The following GPAT4 variants were observed in gnomAD, a reference collection of about 807,000 sequenced individuals.
GPAT4 encodes the protein glycerol-3-phosphate acyltransferase 4, also known as 1-AGP acyltransferase 6.
Under a neutral mutation model 58.0 loss-of-function variants are expected in GPAT4, and 17 were observed. The ratio of observed to expected loss-of-function variants is 0.29; its 90% CI spans 0.20 to 0.44. The LOEUF (loss-of-function observed/expected upper bound fraction) is 0.44. Ranked by LOEUF, GPAT4 falls within the 20% of genes least tolerant of loss-of-function variation. GPAT4 has a pLI of 1.00. For missense variants in GPAT4, 377 were observed against 574.5 expected (o/e 0.66, Z 3.51); for synonymous variants, 204 against 210.1 (o/e 0.97, Z 0.25).
rs201136934 is a variant in GPAT4, at chr8:41,609,902, G to A, written c.483G>A (p.Thr161=). 6.3e-5 allele frequency: 101 copies of A among 1,614,088 alleles called. No homozygotes were observed. The highest frequency in any genetic ancestry group is 2.0e-4 in the African/African-American group (15 of 75,062). ...TCCAGTACATCAGCCTTCGGCTCAC[G>A]GTCCTGTGGGGGTTAGGAGTGCTGA... ...YNFQYISLRL[T]VLWGLGVLIR... is the part of the protein sequence containing the mutation. Residue 161 remains threonine (T), a synonymous_variant, in exon 4 of 13, where the codon ACG becomes ACA. Coordinates refer to ENST00000396987, the MANE Select transcript of GPAT4 (RefSeq NM_178819.4).
At chr8:41,612,687 G>A (rs1803478731) in intron 7 of GPAT4, 158 bp from the exon 8 acceptor site, 1 of 610,998 alleles carries the variant, frequency 1.6e-6, no homozygotes, top group Non-Finnish European at 2.9e-6. Flanking sequence ...GATTTGGGGA[G>A]TCTTGGTAGT....
At chr8:41,590,127 CT>C (rs879453903) in intron 1 of GPAT4, among the ~76,000 whole-genome samples, 399 of 144,678 alleles carry the variant, frequency 2.8e-3, no homozygotes, top group Middle Eastern at 3.6e-3. Flanking sequence ...CTTGCTACTT[CT>C]TTTTTTTTTT....
intron 3 of GPAT4, 54 bp downstream of exon 3, chr8:41,609,539 C>T (rs1360757214): frequency 5.0e-6 from 8 of 1,606,516 alleles, no homozygotes; most frequent in Middle Eastern, 1.6e-4. Flanking sequence ...CAGTGTTCCC[C>T]AGTGCTTCTG....
chr8:41,618,904 G>A lies in GPAT4; in HGVS notation c.1189G>A (p.Glu397Lys), dbSNP rs1225680309. 1 of 1,614,120 alleles carries A rather than the reference G, an allele frequency of 6.2e-7. No homozygotes were observed. The highest frequency in any genetic ancestry group is 8.5e-7 in the Non-Finnish European group (1 of 1,180,062). Residue 397 changes from glutamate (E) to lysine (K), a missense_variant, in exon 12 of 13, where the codon GAA (glutamate) becomes AAA (lysine). Physicochemically the swap from Glu to Lys is moderately conservative, Grantham distance 56. Coordinates refer to ENST00000396987, the MANE Select transcript of GPAT4 (RefSeq NM_178819.4). ...YLPPMTREAD[E>K]DAVQFANRVK... Reference sequence around the variant, plus strand: ...CATTTGTTCTTTCTTACAGGCAGATGAAGATGCTGTCCAGTTTGCGAATAG... The same window carrying A: ...CATTTGTTCTTTCTTACAGGCAGATAAAGATGCTGTCCAGTTTGCGAATAG...
chr8:41,608,689 G>A (rs1469907357), intron 2 of GPAT4, among the ~76,000 whole-genome samples: 1 of 152,164 alleles, frequency 6.6e-6, no homozygotes, highest in African/African-American at 2.4e-5. Flanking sequence ...TATCCTAAGC[G>A]ATCCCGTGAA....
rs767995915 is a variant in GPAT4 at position 41,620,936 on chromosome 8, G to A, written c.1306G>A (p.Glu436Lys). The change falls in exon 13 of 13, where the codon GAG becomes AAG. Residue 436 changes from glutamate (E) to lysine (K), a missense_variant. Glu to Lys is a moderately conservative substitution (Grantham distance 56, BLOSUM62 1). Transcript: ENST00000396987. ...KREKVKDTFK[E>K]EQQKLYSKMI... ...GGAGAAGGTGAAGGACACGTTCAAG[G>A]AGGAGCAGCAGAAGCTGTACAGCAA... 6 of 1,551,814 alleles carry A rather than the reference G, an allele frequency of 3.9e-6. No individual in the cohort carries two copies. The highest frequency in any genetic ancestry group is 8.7e-7 in the Non-Finnish European group (1 of 1,147,374).
intron 2 of GPAT4, among the ~76,000 whole-genome samples, chr8:41,600,036 C>CTTTTTTTTTTTTTTTTTTTTTTTT (rs758905649): frequency 1.0e-5 from 1 of 100,332 alleles, no homozygotes; most frequent in Non-Finnish European, 1.9e-5. Flanking sequence ...TTTTTCTTTT[C>CTTTTTTTTTTTTTTTTTTTTTTTT]TTTTTTTTTT....
chr8:41,614,920 A>G, intron 9 of GPAT4, 43 bp from the exon 10 acceptor site: 1 of 1,539,876 alleles, frequency 6.5e-7, no homozygotes, highest in South Asian at 1.1e-5. Flanking sequence ...ATCTGGGGTA[A>G]AGGGCCAACA....
In GPAT4 at chr8:41,595,062, C is replaced by T. The variant is rs191832082; in HGVS notation, c.-848-3230C>T. ...TACACTTTTAACTTTTAGCAGACTT[C>T]AGTTTTGTTGAAAACCTTGTAAGTT... On this transcript the variant is annotated intron_variant, in intron 1 of 12. Coordinates refer to ENST00000396987, the MANE Select transcript of GPAT4 (RefSeq NM_178819.4). 1.5e-3 allele frequency among the ~76,000 whole-genome samples: 232 copies of T among 151,874 alleles called. 1 individual carries two copies. Among genetic ancestry groups the T allele is most frequent in the South Asian group, 2.5e-3 (12 of 4,810 alleles).
At chr8:41,600,823 C>T (rs1803067185) in intron 2 of GPAT4, among the ~76,000 whole-genome samples, 1 of 152,170 alleles carries the variant, frequency 6.6e-6, no homozygotes, top group African/African-American at 2.4e-5. Flanking sequence ...ACCTATTCTG[C>T]ATATTTCATG....
intron 4 of GPAT4, 58 bp from the exon 5 acceptor site, chr8:41,610,678 G>T: frequency 6.3e-7 from 1 of 1,597,292 alleles, no homozygotes; most frequent in Non-Finnish European, 8.5e-7. Context: ...CACACCTTCA[G>T]TTCTGTACTT....
chr8:41,599,177 A>G lies in GPAT4; in HGVS notation c.38A>G (p.Asn13Ser), dbSNP rs554740180. ...LLLPFDSLIV[N>S]LLGISLTVLF... ...CTGCCTTTTGATAGCCTGATTGTCA[A>G]CCTTCTGGGCATCTCCCTGACTGTC... is the stretch of plus-strand genomic sequence containing the variant. The change falls in exon 2 of 13, where the codon AAC (asparagine) becomes AGC (serine). Residue 13 changes from asparagine (N) to serine (S), a missense_variant. By Grantham distance (46) the Asn-to-Ser change is conservative. Transcript: ENST00000396987. The G allele has an allele frequency of 4.3e-6, 7 of 1,612,986 alleles. No individual in the cohort carries two copies. Among genetic ancestry groups the G allele is most frequent in the South Asian group, 2.2e-5 (2 of 90,928 alleles).
intron 1 of GPAT4, among the ~76,000 whole-genome samples, chr8:41,585,094 A>G (rs1451150675): frequency 6.6e-6 from 1 of 152,218 alleles, no homozygotes; most frequent in Non-Finnish European, 1.5e-5. Context: ...ACTAAGCAAC[A>G]GCTTCCTATT....
intron 1 of GPAT4, among the ~76,000 whole-genome samples, chr8:41,581,688 G>A (rs1195193952): frequency 6.7e-6 from 1 of 149,658 alleles, no homozygotes; most frequent in East Asian, 2.0e-4. Context: ...GAGTGCAGTG[G>A]CGCAATCTCG....
At chr8:41,616,587 G>A (rs1305870463) in intron 10 of GPAT4, among the ~76,000 whole-genome samples, 4 of 152,066 alleles carry the variant, frequency 2.6e-5, no homozygotes, top group African/African-American at 4.8e-5. Flanking sequence ...GAGCCACCCC[G>A]CTGGGCCTTC....
At chr8:41,585,420 G>A (rs530355729) in intron 1 of GPAT4, among the ~76,000 whole-genome samples, 12 of 152,218 alleles carry the variant, frequency 7.9e-5, no homozygotes, top group South Asian at 6.2e-4. Flanking sequence ...TCCGAGGCTC[G>A]GTTATTTGAG....
intron 5 of GPAT4, among the ~76,000 whole-genome samples, chr8:41,611,086 C>T (rs900230690): frequency 9.9e-5 from 15 of 152,158 alleles, no homozygotes; most frequent in Non-Finnish European, 2.2e-4. Flanking sequence ...GTTAGCCAGG[C>T]ACGGTGGCGG....
rs192061543 is a variant in GPAT4 at position 41,621,155 on chromosome 8, C to T, written c.*154C>T. ...GACTCCGGCTTTCGCCGAGCCGCAGCGGGATCCCTGTGCACCCGGCGCAGC... is the reference window on the plus strand; with the variant it reads ...GACTCCGGCTTTCGCCGAGCCGCAGTGGGATCCCTGTGCACCCGGCGCAGC... On this transcript the variant is annotated 3_prime_UTR_variant, in exon 13 of 13. Transcript: ENST00000396987. 2.8e-4 allele frequency: 327 copies of T among 1,152,620 alleles called. 2 individuals are homozygous for T. The highest frequency in any genetic ancestry group is 2.0e-3 in the Middle Eastern group (7 of 3,420). The allele number at this position is 1,152,620 out of a possible 1,614,324, so 71.4% of individuals were successfully genotyped here.
At chr8:41,580,138 T>G (rs1000790471) in intron 1 of GPAT4, among the ~76,000 whole-genome samples, 6 of 152,234 alleles carry the variant, frequency 3.9e-5, no homozygotes, top group African/African-American at 1.2e-4. Flanking sequence ...TTTCAGAATT[T>G]TAAGAAATGC....
Sources: gnomAD v4.1 joint callset for allele counts (sites outside exome capture counted in the v4.1 genomes callset) on GRCh38, gnomAD v4.1.1 for gene constraint, MANE v1.5 for transcripts, NCBI Gene and HGNC (gene_info 2026-07-23, HGNC 2026-07-21) for gene names.